The following CSMD1 variants were observed in gnomAD, a reference collection of about 807,000 sequenced individuals.
The protein encoded by CSMD1 is CUB and sushi domain-containing protein 1.
CSMD1 carries 213 observed loss-of-function variants against 417.5 expected under a neutral mutation model. The ratio of observed to expected loss-of-function variants is 0.51; its 90% CI spans 0.46 to 0.57. The LOEUF is 0.57. CSMD1 is among the 20% of genes least tolerant of loss of function. The pLI is 0.00. For synonymous variants in CSMD1, 2,862 were observed against 1,736.8 expected, an observed-to-expected ratio of 1.65 and a Z score of -16.11; for missense variants, 6,923 against 4,529.7, an observed-to-expected ratio of 1.53 and a Z score of -15.17.
chr8:4,393,654 G>GC (rs1056071617), intron 3 of CSMD1, among the ~76,000 whole-genome samples: 1 of 152,150 alleles, frequency 6.6e-6, no homozygotes, highest in Non-Finnish European at 1.5e-5. Context: ...GTGAGCACTA[G>GC]CCCAGTCACC....
At chr8:4,701,872 T>A (rs775813177) in intron 1 of CSMD1, among the ~76,000 whole-genome samples, 12 of 152,164 alleles carry the variant, frequency 7.9e-5, no homozygotes, top group Admixed American at 1.3e-4. Context: ...GATGCATCAA[T>A]GATAGACTGG....
At chr8:3,902,276 C>G (rs954722832) in intron 5 of CSMD1, among the ~76,000 whole-genome samples, 9 of 152,130 alleles carry the variant, frequency 5.9e-5, no homozygotes, top group African/African-American at 2.2e-4. Flanking sequence ...TTAAGTCATG[C>G]CCTCACCCAT....
At chr8:4,251,473 T>C (rs537546102) in intron 3 of CSMD1, among the ~76,000 whole-genome samples, 5 of 152,276 alleles carry the variant, frequency 3.3e-5, no homozygotes, top group Non-Finnish European at 7.4e-5. Flanking sequence ...TGCAGTGTTG[T>C]AGGAGCACAT....
chr8:4,102,847 G>C (rs559355552), intron 3 of CSMD1, among the ~76,000 whole-genome samples: 5 of 152,250 alleles, frequency 3.3e-5, no homozygotes, highest in South Asian at 2.1e-4. Context: ...TATCAGGAAG[G>C]AATCTATCCT....
intron 10 of CSMD1, among the ~76,000 whole-genome samples, chr8:3,551,947 G>A (rs572994683): frequency 7.2e-5 from 11 of 152,164 alleles, no homozygotes; most frequent in Non-Finnish European, 7.3e-5. Context: ...TGAAAGATGA[G>A]GCTGCCACTG....
chr8:4,003,021 A>G (rs201002298), intron 4 of CSMD1, among the ~76,000 whole-genome samples: 3 of 152,082 alleles, frequency 2.0e-5, no homozygotes, highest in Non-Finnish European at 2.9e-5. Context: ...GTATAAAAAT[A>G]AAAACAACAC....
At chr8:4,231,552 A>T (rs914822579) in intron 3 of CSMD1, among the ~76,000 whole-genome samples, 28 of 152,150 alleles carry the variant, frequency 1.8e-4, no homozygotes, top group Non-Finnish European at 2.6e-4. Context: ...AGGCTAAGCA[A>T]TGACAACAGT....
In CSMD1 at chr8:4,686,430, A is replaced by C. The variant is rs1383398177; in HGVS notation, c.86-48872T>G. On this transcript the variant is annotated intron_variant, in intron 1 of 69. Transcript: ENST00000635120. ...CACCTGCCCTTGCTCTTCTCCCCCG[A>C]TGTAGGCCATAAGTAGGCCTTGTGC... 6.6e-5 allele frequency among the ~76,000 whole-genome samples: 10 copies of C among 152,334 alleles called. No individual in the cohort carries two copies. In the South Asian group the frequency reaches 2.1e-3, roughly 32 times the overall value.
chr8:4,178,128 A>C (rs554186520), intron 3 of CSMD1, among the ~76,000 whole-genome samples: 1 of 152,280 alleles, frequency 6.6e-6, no homozygotes, highest in African/African-American at 2.4e-5. Context: ...ACACAACCAA[A>C]AAAGAGAATT....
chr8:4,650,025 T>C (rs573360855), intron 1 of CSMD1, among the ~76,000 whole-genome samples: 2 of 152,298 alleles, frequency 1.3e-5, no homozygotes, highest in East Asian at 3.9e-4. Context: ...GAATTTATCA[T>C]GTCTGGGATG....
At chr8:4,009,693 G>T (rs1040731971) in intron 4 of CSMD1, among the ~76,000 whole-genome samples, 1 of 151,978 alleles carries the variant, frequency 6.6e-6, no homozygotes, top group South Asian at 2.1e-4. Context: ...ATTGAGGAAG[G>T]AAGGGCCACA....
intron 50 of CSMD1, among the ~76,000 whole-genome samples, chr8:3,034,462 G>A (rs888061045): frequency 5.3e-5 from 8 of 152,088 alleles, no homozygotes; most frequent in African/African-American, 1.9e-4. Context: ...GTTCAACTAA[G>A]TCCCAGTGAA....
At chr8:4,718,734 TA>T (rs1198189908) in intron 1 of CSMD1, among the ~76,000 whole-genome samples, 2 of 152,156 alleles carry the variant, frequency 1.3e-5, no homozygotes, top group East Asian at 1.9e-4. Context: ...GTTTTTCTAT[TA>T]AAAAACAACC....
At chr8:3,016,648 T>C (rs766036568) in intron 52 of CSMD1, among the ~76,000 whole-genome samples, 9 of 152,244 alleles carry the variant, frequency 5.9e-5, no homozygotes, top group Non-Finnish European at 1.2e-4. Flanking sequence ...TTTCTATTTT[T>C]TCCCTTTAAA....
chr8:4,424,228 G>A (rs749672659), intron 2 of CSMD1, among the ~76,000 whole-genome samples: 1 of 151,954 alleles, frequency 6.6e-6, no homozygotes, highest in African/African-American at 2.4e-5. Context: ...GGCTGCAAAA[G>A]ACCGCATTAA....
Position 3,676,150 on chromosome 8 carries a change from T to C in CSMD1, c.1009+32264A>G, listed in dbSNP as rs545007801. ...TACTATTATACCTAGAATAGGTAAA[T>C]TGTTTATTTTCTTCTGCTCAATTTT... On this transcript the variant is annotated intron_variant, in intron 7 of 69. Coordinates refer to ENST00000635120, the MANE Select transcript of CSMD1 (RefSeq NM_033225.6). 1.1e-4 allele frequency among the ~76,000 whole-genome samples: 16 copies of C among 152,350 alleles called. No individual in the cohort carries two copies. In the East Asian group the frequency reaches 2.7e-3, roughly 26 times the overall value.
At chr8:3,426,879 T>A (rs972378781) in intron 12 of CSMD1, among the ~76,000 whole-genome samples, 2 of 152,134 alleles carry the variant, frequency 1.3e-5, no homozygotes, top group African/African-American at 4.8e-5. Context: ...GGGTAGTTTA[T>A]AAAGGAAAGA....
intron 4 of CSMD1, among the ~76,000 whole-genome samples, chr8:4,027,926 T>C (rs1232528251): frequency 2.0e-5 from 3 of 151,898 alleles, no homozygotes; most frequent in Non-Finnish European, 4.4e-5. Flanking sequence ...GTAATGGAAA[T>C]AATGGTAGAA....
In CSMD1 at chr8:3,708,437, T is replaced by C. The variant is rs777700174; in HGVS notation, c.986A>G (p.Asp329Gly). The change falls in exon 7 of 70, where the codon GAT (aspartate) becomes GGT (glycine). Residue 329 changes from aspartate (D) to glycine (G), a missense_variant. Physicochemically the swap from Asp to Gly is moderately conservative, Grantham distance 94 (BLOSUM62 -1). Transcript: ENST00000635120. ...SRGVKMLPSKDGSHKNSVLSQ... is the reference protein window; with the variant it reads ...SRGVKMLPSKGGSHKNSVLSQ... ...ACAGACAGAGTTTTTATGGCTTCCA[T>C]CCTTGCTGGGCAGCATCTTGACTCC... is the stretch of plus-strand genomic sequence containing the variant. The C allele has an allele frequency of 3.7e-6, 6 of 1,613,930 alleles. No individual in the cohort carries two copies. Among genetic ancestry groups the C allele is most frequent in the East Asian group, 4.5e-5 (2 of 44,874 alleles).
Sources: allele counts gnomAD v4.1 joint callset (sites outside exome capture counted in the v4.1 genomes callset), GRCh38; gene constraint gnomAD v4.1.1; transcripts MANE v1.5; gene names NCBI Gene and HGNC (gene_info 2026-07-23, HGNC 2026-07-21).